The following SUGT1 variants were observed in gnomAD, a reference collection of about 807,000 sequenced individuals.
The protein encoded by SUGT1 is SGT1 assembly cochaperone of MIS12 kinetochore complex, also known as protein SGT1 homolog.
Under a neutral mutation model 56.1 loss-of-function variants are expected in SUGT1, and 15 were observed. The ratio of observed to expected loss-of-function variants is 0.27; its 90% CI spans 0.18 to 0.41. SUGT1 has a LOEUF of 0.41. Ranked by LOEUF, SUGT1 falls within the 10% of genes least tolerant of loss-of-function variation. The pLI, the probability that SUGT1 is intolerant of heterozygous loss-of-function variation, is 1.00. For synonymous variants in SUGT1, 123 were observed against 128.6 expected (o/e 0.96, Z 0.30); for missense variants, 347 against 382.2 (o/e 0.91, Z 0.77).
rs568881731 is a variant in SUGT1, at chr13:52,663,041, CTT to C, written c.383-53_383-52del. ...TGTGCTATAGAAATCATACAAATAA[CTT>C]TGCTTAAAAATGCACTGTTCCCTGA... is the stretch of plus-strand genomic sequence containing the variant. On this transcript the variant is annotated intron_variant, in intron 6 of 12. Coordinates refer to ENST00000310528, the MANE Select transcript of SUGT1 (RefSeq NM_006704.5). The C allele has an allele frequency of 4.0e-4, 637 of 1,578,270 alleles. 2 individuals carry two copies. The African/African-American group carries it at 6.2e-3, about 15-fold the overall frequency.
intron 6 of SUGT1, 86 bp from the exon 7 acceptor site, chr13:52,663,010 T>C: frequency 6.9e-7 from 1 of 1,442,980 alleles, no homozygotes; most frequent in Non-Finnish European, 9.5e-7. Flanking sequence ...GCTTAATCAG[T>C]ATGTTTGTGC....
intron 3 of SUGT1, chr13:52,658,181 A>G (rs1414979761): frequency 2.0e-6 from 3 of 1,481,550 alleles, no homozygotes; most frequent in African/African-American, 1.4e-5. Flanking sequence ...AGCTGTATTC[A>G]TTGAAGAGCT....
intron 8 of SUGT1, among the ~76,000 whole-genome samples, chr13:52,664,859 T>C (rs1444974214): frequency 6.6e-6 from 1 of 152,094 alleles, no homozygotes; most frequent in Non-Finnish European, 1.5e-5. Flanking sequence ...ACATCTAACT[T>C]AATATACGTG....
intron 5 of SUGT1, among the ~76,000 whole-genome samples, chr13:52,661,087 C>CA (rs1171036225): frequency 6.6e-6 from 1 of 152,162 alleles, no homozygotes; most frequent in Admixed American, 6.5e-5. Context: ...GCTGGGGTTA[C>CA]AGGCATGAGC....
Position 52,691,998 on chromosome 13 carries a change from A to AT in SUGT1, c.*4166dup, listed in dbSNP as rs1166087825. On this transcript the variant is annotated 3_prime_UTR_variant, in exon 13 of 13. Coordinates refer to ENST00000310528, the MANE Select transcript of SUGT1 (RefSeq NM_006704.5). Reference sequence around the variant, plus strand: ...TCCTTGTGATTGGTTTCTGAGATTAATTTAACTCTTAGCCTCACTTCCTAC... The same window carrying AT: ...TCCTTGTGATTGGTTTCTGAGATTAATTTTAACTCTTAGCCTCACTTCCTAC... 1 of 152,164 alleles carries AT rather than the reference A, an allele frequency of 6.6e-6. No homozygotes were observed. The highest frequency in any genetic ancestry group is 1.9e-4 in the East Asian group (1 of 5,182). The allele number at this position is 152,164 out of a possible 1,614,324, so 9.4% of individuals were successfully genotyped here.
intron 8 of SUGT1, among the ~76,000 whole-genome samples, chr13:52,664,877 C>T (rs1311156868): frequency 6.6e-6 from 1 of 152,116 alleles, no homozygotes; most frequent in Non-Finnish European, 1.5e-5. Flanking sequence ...GTGTACCGGA[C>T]ACTGTGCTTG....
chr13:52,700,351 T>C lies in SUGT1; in HGVS notation c.*12516T>C, dbSNP rs1270531590. 6.6e-6 allele frequency: 1 copy of C among 152,192 alleles called. No individual in the cohort carries two copies. Among genetic ancestry groups the C allele is most frequent in the Non-Finnish European group, 1.5e-5 (1 of 68,018 alleles). 9.4% of individuals were successfully genotyped at this position (152,192 alleles called of 1,614,324 possible). A position where few individuals can be genotyped will look rare whatever the true frequency, so the allele number is the denominator to read the frequency against. On this transcript the variant is annotated 3_prime_UTR_variant, in exon 13 of 13. Transcript: ENST00000310528. Reference sequence around the variant, plus strand: ...ATACCTGCATAAAAGTATTTATGTATAGATGTACTTACCTTACACAGTAAG... The same window carrying C: ...ATACCTGCATAAAAGTATTTATGTACAGATGTACTTACCTTACACAGTAAG...
intron 8 of SUGT1, 74 bp downstream of exon 8, chr13:52,664,131 T>G: frequency 7.0e-7 from 1 of 1,435,290 alleles, no homozygotes; most frequent in East Asian, 2.3e-5. Context: ...AGTTTAATAG[T>G]AAGCAAATTC....
In SUGT1 at chr13:52,666,232, C is replaced by T. The variant is rs542408356; in HGVS notation, c.519+499C>T. ...TCCTGAGTAGTTGGGACTACAGGCA[C>T]ATGCCACCGTGCCTGGCTAATTTTT... On this transcript the variant is annotated intron_variant, in intron 9 of 12. Transcript: ENST00000310528. Among the ~76,000 whole-genome samples, 10 of 149,498 alleles carry T rather than the reference C, an allele frequency of 6.7e-5. No individual in the cohort carries two copies. The East Asian group carries it at 1.9e-3, about 29-fold the overall frequency.
In SUGT1 at chr13:52,671,256, T is replaced by C. The variant is rs144802560; in HGVS notation, c.627+4337T>C. Among the ~76,000 whole-genome samples the C allele has an allele frequency of 2.2e-3, 333 of 151,706 alleles. 1 individual carries two copies. Among genetic ancestry groups the C allele is most frequent in the African/African-American group, 7.5e-3 (311 of 41,340 alleles). On this transcript the variant is annotated intron_variant, in intron 10 of 12. Coordinates refer to ENST00000310528, the MANE Select transcript of SUGT1 (RefSeq NM_006704.5). ...AATTAGTTTAAAAAAAGATCACAAA[T>C]TGTAGATCTTGGAATGTATTCTTAT...
At chr13:52,681,069 T>C (rs1476311076) in intron 12 of SUGT1, among the ~76,000 whole-genome samples, 2 of 152,112 alleles carry the variant, frequency 1.3e-5, no homozygotes, top group Non-Finnish European at 2.9e-5. Flanking sequence ...AACTCCTGGC[T>C]TCAAGCAATC....
intron 12 of SUGT1, among the ~76,000 whole-genome samples, chr13:52,680,949 T>C (rs9316584): frequency 0.99 from 151,063 of 152,180 alleles, 74,978 homozygotes; most frequent in East Asian, 1. Context: ...TCAAGTGATT[T>C]TCCTACCTCA....
rs534073634 is a variant in SUGT1 at position 52,667,127 on chromosome 13, T to A, written c.627+208T>A. Among the ~76,000 whole-genome samples the A allele has an allele frequency of 2.6e-5, 4 of 152,300 alleles. No homozygotes were observed. In the South Asian group the frequency reaches 8.3e-4, roughly 32 times the overall value. On this transcript the variant is annotated intron_variant, in intron 10 of 12. Coordinates refer to ENST00000310528, the MANE Select transcript of SUGT1 (RefSeq NM_006704.5). ...AGAATAAAAATCCACTTAGAGTGTGTGGCATTTGTGTATTTACTAAGACAG... is the reference window on the plus strand; with the variant it reads ...AGAATAAAAATCCACTTAGAGTGTGAGGCATTTGTGTATTTACTAAGACAG...
chr13:52,674,022 T>A (rs1407222633), intron 10 of SUGT1, among the ~76,000 whole-genome samples: 1 of 150,306 alleles, frequency 6.7e-6, no homozygotes, highest in Non-Finnish European at 1.5e-5. Flanking sequence ...ATGTAGAGTT[T>A]AAACATGTAA....
At chr13:52,667,675 GA>G (rs1415229789) in intron 10 of SUGT1, among the ~76,000 whole-genome samples, 4 of 152,074 alleles carry the variant, frequency 2.6e-5, no homozygotes, top group African/African-American at 9.7e-5. Context: ...GTTTCTAAAA[GA>G]AGTAGAGATA....
At chr13:52,668,395 T>C (rs116679708) in intron 10 of SUGT1, among the ~76,000 whole-genome samples, 2,346 of 152,272 alleles carry the variant, frequency 0.015, 61 homozygotes, top group African/African-American at 0.053. Flanking sequence ...GGTTGGCCTG[T>C]GTTGTGAAGA....
intron 10 of SUGT1, 145 bp from the exon 11 acceptor site, chr13:52,676,085 T>G: frequency 3.5e-6 from 2 of 570,570 alleles, no homozygotes; most frequent in Non-Finnish European, 5.8e-6. Flanking sequence ...TGTTTCATAG[T>G]TTTTCAAATT....
chr13:52,667,205 T>C (rs1474356627), intron 10 of SUGT1, among the ~76,000 whole-genome samples: 1 of 152,250 alleles, frequency 6.6e-6, no homozygotes, highest in Non-Finnish European at 1.5e-5. Context: ...ATAATCAGCC[T>C]GTCTTTAAGA....
chr13:52,664,041 C>T lies in SUGT1; in HGVS notation c.406C>T (p.His136Tyr). 6.2e-7 allele frequency: 1 copy of T among 1,613,126 alleles called. No homozygotes were observed. The highest frequency in any genetic ancestry group is 1.1e-5 in the South Asian group (1 of 90,980). Residue 136 changes from histidine (H) to tyrosine (Y), a missense_variant, in exon 8 of 13, where the codon CAT becomes TAT. Physicochemically the swap from His to Tyr is moderately conservative, Grantham distance 83 (BLOSUM62 2). Coordinates refer to ENST00000310528, the MANE Select transcript of SUGT1 (RefSeq NM_006704.5). ...AAATCAATCTGCATCCCAGTGGACT[C>T]ATCAGTCAAAAATCAAGTGAGTGTT... ...QNGSESEVWT[H>Y]QSKIKYDWYQ... is the part of the protein sequence containing the mutation.
Sources: allele counts gnomAD v4.1 joint callset (sites outside exome capture counted in the v4.1 genomes callset), GRCh38; gene constraint gnomAD v4.1.1; transcripts MANE v1.5; gene names NCBI Gene and HGNC (gene_info 2026-07-23, HGNC 2026-07-21).